The following RRAS2 variants were observed in gnomAD, a reference collection of about 807,000 sequenced individuals.
RRAS2 encodes the protein RAS related 2.
RRAS2 carries 7 observed loss-of-function variants against 27.6 expected under a neutral mutation model. That is an observed-to-expected ratio of 0.25 (90% CI 0.14 to 0.48). RRAS2 has a LOEUF of 0.48. Ranked by LOEUF, RRAS2 falls within the 20% of genes least tolerant of loss-of-function variation. The pLI, the probability that RRAS2 is intolerant of heterozygous loss-of-function variation, is 0.99. For synonymous variants in RRAS2, 86 were observed against 90.9 expected, an observed-to-expected ratio of 0.95 and a Z score of 0.31; for missense variants, 178 against 256.2, an observed-to-expected ratio of 0.69 and a Z score of 2.08.
chr11:14,352,818 T>C (rs1006406958), intron 1 of RRAS2, among the ~76,000 whole-genome samples: 6 of 149,256 alleles, frequency 4.0e-5, no homozygotes, highest in Non-Finnish European at 1.5e-5. Flanking sequence ...TTTTTTGAGA[T>C]ATAGTCTTGC....
At chr11:14,286,346 G>C (rs1849660939) in intron 4 of RRAS2, among the ~76,000 whole-genome samples, 1 of 152,088 alleles carries the variant, frequency 6.6e-6, no homozygotes, top group Non-Finnish European at 1.5e-5. Flanking sequence ...CTTTCTTCTA[G>C]GATGCAGTTA....
chr11:14,330,392 G>A (rs1453334266), intron 1 of RRAS2, among the ~76,000 whole-genome samples: 1 of 152,146 alleles, frequency 6.6e-6, no homozygotes, highest in Non-Finnish European at 1.5e-5. Flanking sequence ...CACGCCTGTA[G>A]TCCCAGCTAC....
chr11:14,355,256 A>C (rs111888101), intron 1 of RRAS2, among the ~76,000 whole-genome samples: 2,633 of 152,256 alleles, frequency 0.017, 35 homozygotes, highest in Non-Finnish European at 0.027. Context: ...AGTCGAGATA[A>C]AGGCAGATTA....
chr11:14,306,073 A>G (rs202118141), intron 1 of RRAS2, among the ~76,000 whole-genome samples: 2 of 136,476 alleles, frequency 1.5e-5, no homozygotes, highest in Non-Finnish European at 3.4e-5. Context: ...CAACAAAAAA[A>G]GAATTTTTTT....
At chr11:14,283,235 T>C (rs1396781080) in intron 4 of RRAS2, among the ~76,000 whole-genome samples, 3 of 152,234 alleles carry the variant, frequency 2.0e-5, no homozygotes, top group Non-Finnish European at 4.4e-5. Context: ...CACTGTCAAA[T>C]ATCAAACCAA....
At chr11:14,311,480 C>G (rs1847965553) in intron 1 of RRAS2, among the ~76,000 whole-genome samples, 1 of 152,272 alleles carries the variant, frequency 6.6e-6, no homozygotes, top group South Asian at 2.1e-4. Context: ...AATTTTCCTG[C>G]CTCAGCCTCC....
In RRAS2 at chr11:14,305,237, C is replaced by T. The variant is rs79628736; in HGVS notation, c.109-9382G>A. 2.4e-4 allele frequency among the ~76,000 whole-genome samples: 36 copies of T among 152,220 alleles called. No homozygotes were observed. The East Asian group carries it at 6.6e-3, about 28-fold the overall frequency. On this transcript the variant is annotated intron_variant, in intron 1 of 5. Transcript: ENST00000256196. ...GCCTGGTATGTGCCAGCAGAAAGTACAGTACAAAGTCAGCTTACAAACTGG... is the reference window on the plus strand; with the variant it reads ...GCCTGGTATGTGCCAGCAGAAAGTATAGTACAAAGTCAGCTTACAAACTGG...
intron 1 of RRAS2, among the ~76,000 whole-genome samples, chr11:14,306,610 G>A (rs969146284): frequency 2.6e-5 from 4 of 152,064 alleles, no homozygotes; most frequent in Non-Finnish European, 4.4e-5. Context: ...ACATACCCAG[G>A]ATTTTGGGCA....
Position 14,352,801 on chromosome 11 carries a change from A to AT in RRAS2, c.108+5961dup, listed in dbSNP as rs1194938737. Among the ~76,000 whole-genome samples, 442 of 143,396 alleles carry AT rather than the reference A, an allele frequency of 3.1e-3. 4 individuals are homozygous for AT. Among genetic ancestry groups the AT allele is most frequent in the South Asian group, 6.9e-3 (31 of 4,476 alleles). 94.1% of individuals were successfully genotyped at this position (143,396 alleles called of 152,430 possible). ...GAGAGGGAGAGAGAGAGAGAGAGACATTTTTTTTTTTTGAGATATAGTCTT... is the reference window on the plus strand; with the variant it reads ...GAGAGGGAGAGAGAGAGAGAGAGACATTTTTTTTTTTTTGAGATATAGTCTT... On this transcript the variant is annotated intron_variant, in intron 1 of 5. Coordinates refer to ENST00000256196, the MANE Select transcript of RRAS2 (RefSeq NM_012250.6).
upstream of RRAS2, among the ~76,000 whole-genome samples, chr11:14,361,060 C>T (rs1195232497): frequency 1.3e-5 from 2 of 151,566 alleles, no homozygotes; most frequent in Non-Finnish European, 2.9e-5. Context: ...CCGAGGGAGG[C>T]GGATTGCTCG....
intron 4 of RRAS2, among the ~76,000 whole-genome samples, chr11:14,290,443 G>A (rs181482638): frequency 4.5e-4 from 69 of 152,154 alleles, no homozygotes; most frequent in African/African-American, 1.5e-3. Flanking sequence ...AGCAAGACCC[G>A]TTTCAGGGGG....
At chr11:14,287,096 T>A (rs1472506756) in intron 4 of RRAS2, among the ~76,000 whole-genome samples, 1 of 152,224 alleles carries the variant, frequency 6.6e-6, no homozygotes, top group Non-Finnish European at 1.5e-5. Context: ...TCCCCCTAAG[T>A]GTTGGTGCTG....
In RRAS2 at chr11:14,358,255, A is replaced by G. The variant is rs1849124191; in HGVS notation, c.108+508T>C. ...ACACACACACAAAGAAATACACAGTACTTGAAGCGGGCAGCTCCGGCTCAG... is the reference window on the plus strand; with the variant it reads ...ACACACACACAAAGAAATACACAGTGCTTGAAGCGGGCAGCTCCGGCTCAG... On this transcript the variant is annotated intron_variant, in intron 1 of 5. Transcript: ENST00000256196. This position sits in a 1 kb window ranked among gnomAD's most constrained non-coding sequence, Gnocchi z 5.1. 2.0e-6 allele frequency: 2 copies of G among 985,496 alleles called. No individual in the cohort carries two copies. Among genetic ancestry groups the G allele is most frequent in the Non-Finnish European group, 2.4e-6 (2 of 829,970 alleles). The allele number at this position is 985,496 out of a possible 1,614,324, so 61.0% of individuals were successfully genotyped here.
chr11:14,296,831 G>T (rs548221636), intron 1 of RRAS2, among the ~76,000 whole-genome samples: 1 of 151,978 alleles, frequency 6.6e-6, no homozygotes, highest in East Asian at 1.9e-4. Flanking sequence ...AAAAAAAAGG[G>T]GGGGGACAGT....
chr11:14,287,742 C>T (rs1364545180), intron 4 of RRAS2, among the ~76,000 whole-genome samples: 3 of 151,712 alleles, frequency 2.0e-5, no homozygotes, highest in Non-Finnish European at 4.4e-5. Context: ...TGTGATGGCA[C>T]GGGCCTGTAA....
At chr11:14,334,424 C>T (rs1378927296) in intron 1 of RRAS2, among the ~76,000 whole-genome samples, 1 of 151,866 alleles carries the variant, frequency 6.6e-6, no homozygotes, top group Non-Finnish European at 1.5e-5. Context: ...AAATGCAGTT[C>T]TTGTTGTTGA....
intron 1 of RRAS2, among the ~76,000 whole-genome samples, chr11:14,336,197 T>C (rs547388822): frequency 6.6e-5 from 10 of 152,176 alleles, no homozygotes; most frequent in South Asian, 2.1e-4. Flanking sequence ...GTAAGCTGAG[T>C]AGGGAATCTA....
intron 1 of RRAS2, among the ~76,000 whole-genome samples, chr11:14,346,702 CTT>C (rs1320368432): frequency 6.6e-6 from 1 of 152,136 alleles, no homozygotes; most frequent in Non-Finnish European, 1.5e-5. Flanking sequence ...ATATTGTACT[CTT>C]GTAAAAAGCT....
chr11:14,349,253 A>G (rs1457153342), intron 1 of RRAS2, among the ~76,000 whole-genome samples: 3 of 144,626 alleles, frequency 2.1e-5, no homozygotes, highest in African/African-American at 5.1e-5. Flanking sequence ...CCAGGTTCAC[A>G]CCATTCTCCT....
Sources: gnomAD v4.1 joint callset for allele counts (sites outside exome capture counted in the v4.1 genomes callset) on GRCh38, gnomAD v4.1.1 for gene constraint, Gnocchi (gnomAD v3.1) non-coding constraint, MANE v1.5 for transcripts, NCBI Gene and HGNC (gene_info 2026-07-23, HGNC 2026-07-21) for gene names.